The following STXBP4 variants were observed in gnomAD, a reference collection of about 807,000 sequenced individuals.
STXBP4 encodes the protein syntaxin-binding protein 4.
A neutral mutation model predicts 76.1 loss-of-function variants in STXBP4; 55 were observed. The observed-to-expected ratio is 0.72, with a 90% CI of 0.58 to 0.91. The LOEUF (loss-of-function observed/expected upper bound fraction) is 0.91. Ranked by LOEUF, STXBP4 falls within the 40% of genes least tolerant of loss-of-function variation. The pLI, the probability that STXBP4 is intolerant of heterozygous loss-of-function variation, is 0.00. For synonymous variants in STXBP4, 201 were observed against 220.2 expected (o/e 0.91, Z 0.77); for missense variants, 618 against 636.9 (o/e 0.97, Z 0.32).
intron 16 of STXBP4, among the ~76,000 whole-genome samples, chr17:55,133,393 C>T (rs1205688970): frequency 6.6e-6 from 1 of 151,976 alleles, no homozygotes; most frequent in African/African-American, 2.4e-5. Flanking sequence ...AAAAGTGATA[C>T]AATGATAGAG....
At chr17:55,019,583 A>G (rs1379031175) in intron 8 of STXBP4, among the ~76,000 whole-genome samples, 2 of 152,168 alleles carry the variant, frequency 1.3e-5, no homozygotes, top group Non-Finnish European at 2.9e-5. Flanking sequence ...CTTGTAGCCA[A>G]TGATAATTTA....
At chr17:55,074,469 G>A (rs1019627455) in intron 13 of STXBP4, among the ~76,000 whole-genome samples, 2 of 152,070 alleles carry the variant, frequency 1.3e-5, no homozygotes, top group Non-Finnish European at 2.9e-5. Flanking sequence ...TGTAACTTTA[G>A]CCTGAGTATG....
At chr17:55,030,150 A>G (rs2078480958) in intron 8 of STXBP4, among the ~76,000 whole-genome samples, 1 of 152,158 alleles carries the variant, frequency 6.6e-6, no homozygotes, top group Non-Finnish European at 1.5e-5. Context: ...TTTCTTTCAC[A>G]CCAAAAAGAA....
the STXBP4 span, among the ~76,000 whole-genome samples, chr17:55,195,825 A>G: frequency 6.6e-6 from 1 of 151,908 alleles, no homozygotes; most frequent in Non-Finnish European, 1.5e-5. Flanking sequence ...AGTGGTTCTC[A>G]ACCAGCAGAG....
At chr17:55,050,657 A>G (rs533831344) in intron 12 of STXBP4, among the ~76,000 whole-genome samples, 22 of 152,164 alleles carry the variant, frequency 1.4e-4, no homozygotes, top group Admixed American at 9.2e-4. Flanking sequence ...ATTACATGAA[A>G]TGGTATTCTT....
At chr17:55,000,779 C>T (rs2077898341) in intron 6 of STXBP4, 29 bp from the exon 7 acceptor site, 1 of 1,419,314 alleles carries the variant, frequency 7.0e-7, no homozygotes, top group Non-Finnish European at 1.0e-6. Flanking sequence ...TAGTAAATGA[C>T]ATTGCATGTT....
At chr17:55,073,413 G>A (rs2079145330) in intron 13 of STXBP4, among the ~76,000 whole-genome samples, 1 of 152,174 alleles carries the variant, frequency 6.6e-6, no homozygotes, top group South Asian at 2.1e-4. Flanking sequence ...TGTTTTATGG[G>A]AATGGGAGCA....
At chr17:55,077,674 T>C (rs1281201716) in intron 13 of STXBP4, among the ~76,000 whole-genome samples, 1 of 148,466 alleles carries the variant, frequency 6.7e-6, no homozygotes, top group African/African-American at 2.5e-5. Flanking sequence ...CCTTGCTAGC[T>C]TTGTCTTACA....
Position 55,163,473 on chromosome 17 carries a change from C to T in STXBP4, c.*3562C>T, listed in dbSNP as rs1598360686. The T allele has an allele frequency of 6.6e-6, 1 of 152,202 alleles. No homozygotes were observed. The highest frequency in any genetic ancestry group is 1.9e-4 in the East Asian group (1 of 5,170). The allele number at this position is 152,202 out of a possible 1,614,324, so 9.4% of individuals were successfully genotyped here. A position where few individuals can be genotyped will look rare whatever the true frequency, so the allele number is the denominator to read the frequency against. On this transcript the variant is annotated 3_prime_UTR_variant, in exon 18 of 18. Coordinates refer to ENST00000376352, the MANE Select transcript of STXBP4 (RefSeq NM_178509.6). ...TTGGGTGAGACGTTCACTAAAGTAC[C>T]AAGCACAATACAAATGCATCTTCGA...
At chr17:54,988,016 A>T (rs1457958166) in intron 3 of STXBP4, among the ~76,000 whole-genome samples, 1 of 152,186 alleles carries the variant, frequency 6.6e-6, no homozygotes, top group Non-Finnish European at 1.5e-5. Flanking sequence ...AAATTTTAAT[A>T]AGAGTTTTAA....
At chr17:55,138,012 G>T (rs915815335) in intron 16 of STXBP4, among the ~76,000 whole-genome samples, 2 of 151,982 alleles carry the variant, frequency 1.3e-5, no homozygotes, top group Non-Finnish European at 2.9e-5. Flanking sequence ...TGTGTTTCAT[G>T]CCCTACATGT....
intron 3 of STXBP4, among the ~76,000 whole-genome samples, chr17:54,989,427 T>A (rs2077680602): frequency 6.6e-6 from 1 of 152,134 alleles, no homozygotes; most frequent in African/African-American, 2.4e-5. Context: ...GTAGTTTCAG[T>A]TATTCAATGT....
chr17:55,132,144 G>T (rs2170943), intron 16 of STXBP4, among the ~76,000 whole-genome samples: 96,824 of 151,714 alleles, frequency 0.64, 31,734 homozygotes, highest in African/African-American at 0.79. Flanking sequence ...GGAAAATAAT[G>T]CAAATATTTA....
chr17:55,076,346 T>C (rs2079181340), intron 13 of STXBP4, among the ~76,000 whole-genome samples: 1 of 152,206 alleles, frequency 6.6e-6, no homozygotes. Context: ...TCTTTCTTCA[T>C]GAGTACATAT....
At chr17:55,090,001 AGCAGGAAGG>A (rs1175036211) in intron 16 of STXBP4, among the ~76,000 whole-genome samples, 1 of 152,172 alleles carries the variant, frequency 6.6e-6, no homozygotes, top group Non-Finnish European at 1.5e-5. Flanking sequence ...ATGGATGGAA[AGCAGGAAGG>A]GCCAACCTGT....
At chr17:55,107,310 A>C (rs1210715749) in intron 16 of STXBP4, among the ~76,000 whole-genome samples, 13 of 151,972 alleles carry the variant, frequency 8.6e-5, no homozygotes, top group Non-Finnish European at 1.5e-5. Context: ...TCTTCTCTCA[A>C]CTGGTTATTC....
chr17:55,170,511 G>A lies in STXBP4; in HGVS notation c.*10600G>A, dbSNP rs2080400188. ...TTTTCTGCATACTACTCTACAGTGA[G>A]CCTGTCCTTTATAAGAAAAAATGCT... On this transcript the variant is annotated 3_prime_UTR_variant, in exon 18 of 18. Coordinates refer to ENST00000376352, the MANE Select transcript of STXBP4 (RefSeq NM_178509.6). 1 of 152,072 alleles carries A rather than the reference G, an allele frequency of 6.6e-6. No homozygotes were observed. Among genetic ancestry groups the A allele is most frequent in the African/African-American group, 2.4e-5 (1 of 41,422 alleles). 9.4% of individuals were successfully genotyped at this position (152,072 alleles called of 1,614,324 possible).
chr17:55,024,858 C>G (rs887075297), intron 8 of STXBP4, among the ~76,000 whole-genome samples: 1 of 152,082 alleles, frequency 6.6e-6, no homozygotes, highest in African/African-American at 2.4e-5. Flanking sequence ...TTATAGATGG[C>G]CGGGCACGGT....
intron 16 of STXBP4, among the ~76,000 whole-genome samples, chr17:55,132,030 G>T (rs1294846571): frequency 1.3e-5 from 2 of 152,150 alleles, no homozygotes; most frequent in Non-Finnish European, 2.9e-5. Context: ...GGCAACAGCA[G>T]TTCTTTAAAA....
Sources: allele counts gnomAD v4.1 joint callset (sites outside exome capture counted in the v4.1 genomes callset), GRCh38; gene constraint gnomAD v4.1.1; transcripts MANE v1.5; gene names NCBI Gene and HGNC (gene_info 2026-07-23, HGNC 2026-07-21).